Variants in ATE1 observed in about 807,000 individuals in gnomAD.
ATE1 encodes arginyltransferase 1, also known as arginyl-tRNA--protein transferase 1.
A neutral mutation model predicts 70.5 loss-of-function variants in ATE1; 36 were observed. That is an observed-to-expected ratio of 0.51 (90% CI 0.39 to 0.67). The LOEUF (loss-of-function observed/expected upper bound fraction) is 0.67, where lower values mean the gene tolerates loss of function less well. Among genes scored for constraint, ATE1 ranks in the 30% least tolerant of loss-of-function variants. The probability of loss-of-function intolerance (pLI) is 0.00; values close to 1 mark genes in which losing one functional copy is unlikely to be tolerated. For missense variants in ATE1, 593 were observed against 629.5 expected (o/e 0.94, Z 0.62); for synonymous variants, 232 against 219.3 (o/e 1.06, Z -0.51).
chr10:121,762,283 T>C (rs1945074495), intron 11 of ATE1, among the ~76,000 whole-genome samples: 1 of 152,132 alleles, frequency 6.6e-6, no homozygotes. Flanking sequence ...AGTGTCCTTT[T>C]CTAGGTCCTC....
intron 11 of ATE1, among the ~76,000 whole-genome samples, chr10:121,774,435 GTTTAA>G (rs1228089971): frequency 6.6e-6 from 1 of 152,160 alleles, no homozygotes; most frequent in Non-Finnish European, 1.5e-5. Context: ...AAATTTTTTG[GTTTAA>G]TTTGAGGGTT....
chr10:121,804,679 T>C (rs1310484298), intron 10 of ATE1, among the ~76,000 whole-genome samples: 1 of 151,812 alleles, frequency 6.6e-6, no homozygotes, highest in Non-Finnish European at 1.5e-5. Flanking sequence ...TGGTGATGAG[T>C]GTCTGAGTAA....
At chr10:121,927,477 C>G (rs1590752272) in intron 1 of ATE1, 1 of 985,294 alleles carries the variant, frequency 1.0e-6, no homozygotes, top group Non-Finnish European at 1.2e-6. Context: ...CCCTCGCTCC[C>G]GGGACGCTCC....
chr10:121,762,681 A>G (rs752546033), intron 11 of ATE1, among the ~76,000 whole-genome samples: 2 of 152,138 alleles, frequency 1.3e-5, no homozygotes, highest in Non-Finnish European at 2.9e-5. Context: ...CCTGTTGAGG[A>G]CTGGTTCCAC....
chr10:121,841,967 GA>G (rs1337663622), intron 8 of ATE1, among the ~76,000 whole-genome samples: 1 of 152,010 alleles, frequency 6.6e-6, no homozygotes, highest in Non-Finnish European at 1.5e-5. Context: ...CAAAGGTTAG[GA>G]AAGAAATGCA....
chr10:121,856,070 A>T (rs548692429), intron 8 of ATE1, among the ~76,000 whole-genome samples: 71 of 99,902 alleles, frequency 7.1e-4, no homozygotes, highest in Non-Finnish European at 1.0e-3. Context: ...GAGCAAAACT[A>T]TATCTCAAAA....
chr10:121,844,186 G>A (rs73364424), intron 8 of ATE1, among the ~76,000 whole-genome samples: 1 of 152,226 alleles, frequency 6.6e-6, no homozygotes, highest in Non-Finnish European at 1.5e-5. Context: ...GATCCTCTGA[G>A]CCCAGGAGTT....
intron 11 of ATE1, among the ~76,000 whole-genome samples, chr10:121,787,968 C>T (rs1260044709): frequency 9.2e-5 from 14 of 152,004 alleles, no homozygotes; most frequent in Non-Finnish European, 1.9e-4. Flanking sequence ...GAAGGTGAAG[C>T]TATCGTAAGT....
intron 8 of ATE1, among the ~76,000 whole-genome samples, chr10:121,860,832 T>C (rs1427237795): frequency 6.6e-6 from 1 of 152,196 alleles, no homozygotes; most frequent in Non-Finnish European, 1.5e-5. Flanking sequence ...TACAGGTCAG[T>C]GTTTATTAAG....
chr10:121,922,811 C>T (rs959430840), intron 2 of ATE1, among the ~76,000 whole-genome samples: 1 of 152,062 alleles, frequency 6.6e-6, no homozygotes. Flanking sequence ...CACGGAGTAC[C>T]CCAAAACTAA....
At chr10:121,860,677 A>C (rs1949435972) in intron 8 of ATE1, among the ~76,000 whole-genome samples, 1 of 152,262 alleles carries the variant, frequency 6.6e-6, no homozygotes, top group Non-Finnish European at 1.5e-5. Flanking sequence ...CAGAACAAAT[A>C]GATAAATATC....
intron 8 of ATE1, among the ~76,000 whole-genome samples, chr10:121,849,850 G>C (rs1454369759): frequency 6.6e-6 from 1 of 151,368 alleles, no homozygotes; most frequent in African/African-American, 2.4e-5. Context: ...CTCACGCCTA[G>C]CTAAGAAATT....
intron 11 of ATE1, among the ~76,000 whole-genome samples, chr10:121,761,368 C>A (rs528509140): frequency 6.6e-6 from 1 of 152,344 alleles, no homozygotes; most frequent in South Asian, 2.1e-4. Context: ...CAAGGCAAAA[C>A]TCTTTATCAG....
At chr10:121,809,556 C>A (rs1331856244) in intron 10 of ATE1, among the ~76,000 whole-genome samples, 1 of 151,976 alleles carries the variant, frequency 6.6e-6, no homozygotes. Context: ...GCGAGTGCAC[C>A]GCAGCTACTG....
intron 10 of ATE1, among the ~76,000 whole-genome samples, chr10:121,813,871 A>G (rs761563554): frequency 6.6e-6 from 1 of 152,212 alleles, no homozygotes; most frequent in Non-Finnish European, 1.5e-5. Flanking sequence ...AAACCAGAAG[A>G]AAGTAACCCA....
chr10:121,749,957 C>T (rs1944515334), intron 11 of ATE1, among the ~76,000 whole-genome samples: 1 of 152,190 alleles, frequency 6.6e-6, no homozygotes, highest in African/African-American at 2.4e-5. Flanking sequence ...ATACTTCTGT[C>T]TTCTGGGCTT....
intron 3 of ATE1, among the ~76,000 whole-genome samples, chr10:121,917,878 T>A (rs1353935015): frequency 1.3e-5 from 2 of 152,156 alleles, no homozygotes; most frequent in Non-Finnish European, 2.9e-5. Context: ...GCCAGAAAAG[T>A]TCATCCTCAT....
chr10:121,749,971 G>A (rs978223054), intron 11 of ATE1, among the ~76,000 whole-genome samples: 2 of 152,164 alleles, frequency 1.3e-5, no homozygotes, highest in African/African-American at 4.8e-5. Context: ...TGGGCTTAAT[G>A]TTCTGTGGTC....
intron 11 of ATE1, among the ~76,000 whole-genome samples, chr10:121,788,122 G>A (rs908548871): frequency 6.6e-6 from 1 of 152,130 alleles, no homozygotes; most frequent in African/African-American, 2.4e-5. Flanking sequence ...AAAAAAGCTA[G>A]AGGGGAAATT....
Sources: gnomAD v4.1 joint callset for allele counts (sites outside exome capture counted in the v4.1 genomes callset) on GRCh38, gnomAD v4.1.1 for gene constraint, MANE v1.5 for transcripts, NCBI Gene and HGNC (gene_info 2026-07-23, HGNC 2026-07-21) for gene names.